MCM8: variants seen among roughly 807,000 people sequenced by gnomAD.
MCM8 encodes the protein DNA helicase MCM8.
MCM8 carries 85 observed loss-of-function variants against 98.9 expected under a neutral mutation model. The observed-to-expected ratio is 0.86, with a 90% CI of 0.72 to 1.03. MCM8 has a LOEUF of 1.03. Ranked by LOEUF, MCM8 falls within the 50% of genes least tolerant of loss-of-function variation. MCM8 has a pLI of 0.00. For synonymous variants in MCM8, 352 were observed against 338.6 expected, an observed-to-expected ratio of 1.04 and a Z score of -0.44; for missense variants, 951 against 997.8, an observed-to-expected ratio of 0.95 and a Z score of 0.63.
chr20:5,991,989 G>C (rs1359789766), intron 17 of MCM8, among the ~76,000 whole-genome samples: 11 of 152,170 alleles, frequency 7.2e-5, no homozygotes, highest in African/African-American at 2.7e-4. Context: ...GACATAGCTT[G>C]TCTGAGTTAC....
intron 3 of MCM8, among the ~76,000 whole-genome samples, chr20:5,952,760 T>G (rs1230077935): frequency 1.3e-5 from 2 of 152,120 alleles, no homozygotes; most frequent in African/African-American, 4.8e-5. Flanking sequence ...TACAAGAAAT[T>G]GGATACAAAA....
chr20:5,953,725 G>A (rs979814025), intron 3 of MCM8, among the ~76,000 whole-genome samples: 11 of 151,648 alleles, frequency 7.3e-5, no homozygotes, highest in Admixed American at 7.2e-4. Flanking sequence ...CGCCCGCCTC[G>A]GCCTCCCAAA....
chr20:5,955,540 A>G (rs2088956225), intron 5 of MCM8, among the ~76,000 whole-genome samples: 1 of 152,222 alleles, frequency 6.6e-6, no homozygotes, highest in Admixed American at 6.5e-5. Flanking sequence ...TTTGCTTTCA[A>G]GAAGTTATAC....
intron 16 of MCM8, among the ~76,000 whole-genome samples, chr20:5,987,067 TC>T (rs1331728591): frequency 6.6e-6 from 1 of 152,186 alleles, no homozygotes; most frequent in Non-Finnish European, 1.5e-5. Context: ...GCTCAAGTGA[TC>T]CTCCCACCTC....
chr20:5,965,154 T>G (rs2089246872), intron 8 of MCM8: 1 of 152,242 alleles, frequency 6.6e-6, no homozygotes, highest in Admixed American at 6.5e-5. Context: ...TAAACAGGCA[T>G]TTACATTTTT....
At chr20:5,981,680 A>G (rs974369393) in intron 13 of MCM8, among the ~76,000 whole-genome samples, 2 of 152,262 alleles carry the variant, frequency 1.3e-5, no homozygotes, top group African/African-American at 2.4e-5. Flanking sequence ...GCAAAGAGAC[A>G]GCATAGCAGC....
At chr20:5,953,051 A>G (rs1345379915) in intron 3 of MCM8, among the ~76,000 whole-genome samples, 1 of 152,238 alleles carries the variant, frequency 6.6e-6, no homozygotes, top group Non-Finnish European at 1.5e-5. Flanking sequence ...CTGAGGGGGC[A>G]TGACTCAGTG....
intron 13 of MCM8, among the ~76,000 whole-genome samples, chr20:5,979,558 A>G (rs1210536849): frequency 6.6e-6 from 1 of 151,502 alleles, no homozygotes; most frequent in East Asian, 1.9e-4. Flanking sequence ...GACAACTCTC[A>G]TTATAATTGC....
At position 5,985,952 on chromosome 20, in the gene MCM8, C is replaced by A. The variant is rs760412395; in HGVS notation, c.1984C>A (p.Pro662Thr). The part of the protein sequence containing the change: ...VVPGETIDPI[P>T]HQLLRKYIGY... Reference sequence around the variant, plus strand: ...TCCTGGAGAAACAATAGATCCCATTCCCCACCAGCTATTGAGAAAGTACAT... The same window carrying A: ...TCCTGGAGAAACAATAGATCCCATTACCCACCAGCTATTGAGAAAGTACAT... The change falls in exon 16 of 19, where the codon CCC (proline) becomes ACC (threonine). Residue 662 changes from proline to threonine, a missense_variant. Transcript: ENST00000610722. The A allele has an allele frequency of 6.2e-7, 1 of 1,614,200 alleles. No homozygotes were observed. The highest frequency in any genetic ancestry group is 2.2e-5 in the East Asian group (1 of 44,884).
chr20:5,973,273 G>A, intron 12 of MCM8, 77 bp downstream of exon 12: 1 of 1,573,648 alleles, frequency 6.4e-7, no homozygotes, highest in Non-Finnish European at 8.7e-7. Flanking sequence ...TTTTCTCAAA[G>A]CATGTAGTGT....
chr20:5,955,364 G>A, intron 5 of MCM8, 113 bp downstream of exon 5: 1 of 988,556 alleles, frequency 1.0e-6, no homozygotes. Flanking sequence ...CTTTCTATAA[G>A]AGATACTTAG....
At chr20:5,983,241 G>C in intron 14 of MCM8, 76 bp downstream of exon 14, 1 of 1,233,874 alleles carries the variant, frequency 8.1e-7, no homozygotes, top group Non-Finnish European at 1.1e-6. Flanking sequence ...ATAGTTCACA[G>C]AACTACAGGG....
At chr20:5,953,438 G>GGTGTGTGTGTGTGTGTGT (rs11470045) in intron 3 of MCM8, among the ~76,000 whole-genome samples, 2 of 146,190 alleles carry the variant, frequency 1.4e-5, no homozygotes, top group African/African-American at 5.1e-5. Flanking sequence ...TCTCATGAGG[G>GGTGTGTGTGTGTGTGTGT]GTGTGTGTGT....
chr20:5,954,387 TAGAG>T (rs915971495), intron 3 of MCM8, among the ~76,000 whole-genome samples: 10 of 152,178 alleles, frequency 6.6e-5, no homozygotes, highest in Non-Finnish European at 1.5e-4. Flanking sequence ...GTGGGGCTTT[TAGAG>T]AGAGAGAGTT....
At chr20:5,966,098 G>A (rs561522326) in intron 8 of MCM8, among the ~76,000 whole-genome samples, 2 of 152,218 alleles carry the variant, frequency 1.3e-5, no homozygotes, top group South Asian at 2.1e-4. Flanking sequence ...AGCTATTGAA[G>A]TCTATTTGGT....
At position 5,994,478 on chromosome 20, in the gene MCM8, GACACACACACACACAC is replaced by G. The variant is rs11472210; in HGVS notation, c.*117_*132del. 1.6e-3 allele frequency: 612 copies of G among 384,446 alleles called. 3 individuals carry two copies. Among genetic ancestry groups the G allele is most frequent in the Middle Eastern group, 2.8e-3 (4 of 1,404 alleles). 23.8% of individuals were successfully genotyped at this position (384,446 alleles called of 1,614,324 possible). A position where few individuals can be genotyped will look rare whatever the true frequency, so the allele number is the denominator to read the frequency against. On this transcript the variant is annotated 3_prime_UTR_variant, in exon 19 of 19. Coordinates refer to ENST00000610722, the MANE Select transcript of MCM8 (RefSeq NM_032485.6). ...ATATGCGTGCACGCACAGACAGACA[GACACACACACACACAC>G]ACACACACACACACACACACACACA...
Position 5,958,579 on chromosome 20 carries a change from C to G in MCM8, c.642C>G (p.Tyr214Ter). 6.2e-7 allele frequency: 1 copy of G among 1,614,122 alleles called. No homozygotes were observed. The highest frequency in any genetic ancestry group is 8.5e-7 in the Non-Finnish European group (1 of 1,180,004). ...LTQLKNVRAN[Y>*]YGKYIALRGT... The stretch of plus-strand genomic sequence containing the variant: ...AGCTCAAGAATGTCAGAGCAAATTA[C>G]TATGGAAAATACATTGCTCTAAGAG... Residue 214 changes from tyrosine (Y) to a stop codon, truncating the protein, a stop_gained, in exon 7 of 19, where the codon TAC becomes TAG. Transcript: ENST00000610722. LOFTEE classifies it high-confidence loss of function.
chr20:5,966,375 C>A (rs1257424068), intron 8 of MCM8, among the ~76,000 whole-genome samples: 5 of 151,942 alleles, frequency 3.3e-5, no homozygotes, highest in Admixed American at 1.3e-4. Context: ...TTTCTTTGTT[C>A]TGTTTTCTAG....
Position 5,980,552 on chromosome 20 carries a change from T to C in MCM8, c.1538-2418T>C, listed in dbSNP as rs559709832. On this transcript the variant is annotated intron_variant, in intron 13 of 18. Coordinates refer to ENST00000610722, the MANE Select transcript of MCM8 (RefSeq NM_032485.6). ...TATAGTAATAAAAAGATGATACTCA[T>C]GAAACCATGCAACTTCATTAACTAG... Among the ~76,000 whole-genome samples the C allele has an allele frequency of 4.6e-5, 7 of 152,312 alleles. No individual in the cohort carries two copies. The South Asian group carries it at 1.5e-3, about 32-fold the overall frequency.
Sources: allele counts gnomAD v4.1 joint callset (sites outside exome capture counted in the v4.1 genomes callset), GRCh38; gene constraint gnomAD v4.1.1; transcripts MANE v1.5; gene names NCBI Gene and HGNC (gene_info 2026-07-23, HGNC 2026-07-21).